Variants in GABRB2 observed in about 807,000 individuals in gnomAD.
The protein encoded by GABRB2 is gamma-aminobutyric acid type A receptor subunit beta2.
GABRB2 carries 16 observed loss-of-function variants against 54.7 expected under a neutral mutation model. The ratio of observed to expected loss-of-function variants is 0.29; its 90% CI spans 0.20 to 0.44. The LOEUF is 0.44. Ranked by LOEUF, GABRB2 falls within the 20% of genes least tolerant of loss-of-function variation. GABRB2 has a pLI of 1.00. For synonymous variants in GABRB2, 244 were observed against 233.8 expected, an observed-to-expected ratio of 1.04 and a Z score of -0.40; for missense variants, 355 against 644.0, an observed-to-expected ratio of 0.55 and a Z score of 4.86.
intron 4 of GABRB2, 54 bp from the exon 5 acceptor site, chr5:161,411,111 G>A: frequency 1.5e-6 from 2 of 1,355,698 alleles, no homozygotes; most frequent in Non-Finnish European, 2.1e-6. Flanking sequence ...GGCTGGAGCT[G>A]GAAATTTAAA....
intron 3 of GABRB2, among the ~76,000 whole-genome samples, chr5:161,463,551 T>TATATATA (rs1554102436): frequency 9.9e-5 from 3 of 30,262 alleles, no homozygotes; most frequent in Non-Finnish European, 1.3e-4. Context: ...CCAAATATTT[T>TATATATA]TATTTATATA....
At chr5:161,355,993 C>T (rs1754615579) in intron 5 of GABRB2, among the ~76,000 whole-genome samples, 1 of 152,100 alleles carries the variant, frequency 6.6e-6, no homozygotes, top group South Asian at 2.1e-4. Context: ...CTGCTCTCAA[C>T]CTCAAGTTTC....
intron 9 of GABRB2, among the ~76,000 whole-genome samples, chr5:161,314,180 C>T (rs1346150467): frequency 1.3e-5 from 2 of 152,210 alleles, no homozygotes; most frequent in African/African-American, 4.8e-5. Flanking sequence ...CTCACTATTA[C>T]AGTGTGCTTT....
chr5:161,512,343 A>G (rs1759799083), intron 3 of GABRB2, among the ~76,000 whole-genome samples: 1 of 152,088 alleles, frequency 6.6e-6, no homozygotes, highest in Admixed American at 6.6e-5. Flanking sequence ...AAACAATACC[A>G]TAAGGCTACA....
At chr5:161,303,443 T>A (rs971315040) in intron 9 of GABRB2, among the ~76,000 whole-genome samples, 1 of 152,198 alleles carries the variant, frequency 6.6e-6, no homozygotes, top group Non-Finnish European at 1.5e-5. Flanking sequence ...TCATTCTTTA[T>A]GGATCGGGGA....
Position 161,398,040 on chromosome 5 carries a change from C to T in GABRB2, c.541+12935G>A, listed in dbSNP as rs199772359. On this transcript the variant is annotated intron_variant, in intron 5 of 9. Coordinates refer to ENST00000393959, the MANE Select transcript of GABRB2 (RefSeq NM_001371727.1). ...ATAGATAGATAGATAGATAGATAGA[C>T]AGATAGATAGATAGATAGACAGAGA... Among the ~76,000 whole-genome samples the T allele has an allele frequency of 1.4e-3, 193 of 142,950 alleles. 1 individual carries two copies. The highest frequency in any genetic ancestry group is 4.9e-3 in the African/African-American group (180 of 36,436). The allele number at this position is 142,950 out of a possible 152,430, so 93.8% of individuals were successfully genotyped here.
At chr5:161,463,555 T>TTATATA (rs869302091) in intron 3 of GABRB2, among the ~76,000 whole-genome samples, 6 of 23,634 alleles carry the variant, frequency 2.5e-4, no homozygotes, top group African/African-American at 7.1e-4. Context: ...ATATTTTTAT[T>TTATATA]TATATATATA....
intron 5 of GABRB2, among the ~76,000 whole-genome samples, chr5:161,382,144 G>A (rs1004794587): frequency 2.0e-5 from 3 of 152,144 alleles, no homozygotes; most frequent in Non-Finnish European, 4.4e-5. Context: ...GGCAAAGAAG[G>A]AAAGAAGGGG....
rs252944 is a variant in GABRB2 at position 161,331,330 on chromosome 5, C to G, written c.833-203G>C. ...TTACAGTGATCACTGAACGTTTGAT[C>G]CCTTCTTTTAATTAAATTTTTGTAT... On this transcript the variant is annotated intron_variant, in intron 7 of 9. Transcript: ENST00000393959. Among the ~76,000 whole-genome samples the G allele has an allele frequency of 0.14, 20,974 of 152,036 alleles. 1,476 individuals are homozygous for G. The highest frequency in any genetic ancestry group is 0.17 in the East Asian group (863 of 5,154).
intron 5 of GABRB2, among the ~76,000 whole-genome samples, chr5:161,385,953 T>G (rs1477953191): frequency 4.2e-5 from 3 of 72,158 alleles, no homozygotes; most frequent in African/African-American, 2.1e-4. Context: ...GTCTGGTGTG[T>G]GTGTGTGTGT....
chr5:161,402,143 T>C (rs1017882820), intron 5 of GABRB2, among the ~76,000 whole-genome samples: 1 of 151,812 alleles, frequency 6.6e-6, no homozygotes, highest in African/African-American at 2.4e-5. Flanking sequence ...TGATACAGCC[T>C]CAATCATATA....
intron 4 of GABRB2, among the ~76,000 whole-genome samples, chr5:161,450,949 A>G (rs146700325): frequency 5.9e-5 from 9 of 152,204 alleles, no homozygotes; most frequent in African/African-American, 1.9e-4. Context: ...AAGGACTCAT[A>G]TTCTTAATGA....
chr5:161,384,152 A>G (rs1688877532), intron 5 of GABRB2, among the ~76,000 whole-genome samples: 1 of 152,206 alleles, frequency 6.6e-6, no homozygotes, highest in Non-Finnish European at 1.5e-5. Context: ...GATAAAGGTC[A>G]TCTTCTCCAA....
At chr5:161,537,820 C>T (rs892631337) in intron 3 of GABRB2, among the ~76,000 whole-genome samples, 1 of 152,034 alleles carries the variant, frequency 6.6e-6, no homozygotes, top group African/African-American at 2.4e-5. Flanking sequence ...CTTTTGATCC[C>T]CACCTACGGC....
chr5:161,376,052 A>G (rs1445015971), intron 5 of GABRB2, among the ~76,000 whole-genome samples: 4 of 152,144 alleles, frequency 2.6e-5, no homozygotes, highest in African/African-American at 9.6e-5. Flanking sequence ...TTATTCCATA[A>G]TACCCTCAGG....
chr5:161,356,864 C>G lies in GABRB2; in HGVS notation c.542-20095G>C, dbSNP rs1475399527. Among the ~76,000 whole-genome samples the G allele has an allele frequency of 4.6e-5, 7 of 152,126 alleles. No individual in the cohort carries two copies. In the South Asian group the frequency reaches 6.2e-4, roughly 14 times the overall value. On this transcript the variant is annotated intron_variant, in intron 5 of 9. Transcript: ENST00000393959. Reference sequence around the variant, plus strand: ...TGGATTTTCCCAAATCTTGGGCATCCTATTCTGGGATGTGTCTGAGATTGC... The same window carrying G: ...TGGATTTTCCCAAATCTTGGGCATCGTATTCTGGGATGTGTCTGAGATTGC...
chr5:161,539,772 A>C (rs1760755748), intron 3 of GABRB2, among the ~76,000 whole-genome samples: 1 of 152,198 alleles, frequency 6.6e-6, no homozygotes, highest in Non-Finnish European at 1.5e-5. Flanking sequence ...TGAATATCCC[A>C]ATAAAGCGAG....
At position 161,334,798 on chromosome 5, in the gene GABRB2, G is replaced by T; in HGVS notation, c.786C>A (p.Val262=). ...AAGCATCGTAATTAATCCAGAAGGA[G>T]ACCCAGGAGAGGATGGTAATCAGGA... ...PSILITILSW[V]SFWINYDASA... Residue 262 remains valine (V), a synonymous_variant, in exon 7 of 10, where the codon GTC becomes GTA. Transcript: ENST00000393959. 1.9e-6 allele frequency: 3 copies of T among 1,614,048 alleles called. No individual in the cohort carries two copies. Among genetic ancestry groups the T allele is most frequent in the Non-Finnish European group, 2.5e-6 (3 of 1,179,904 alleles).
chr5:161,337,245 T>C (rs1754021012), intron 5 of GABRB2, among the ~76,000 whole-genome samples: 1 of 152,190 alleles, frequency 6.6e-6, no homozygotes, highest in Non-Finnish European at 1.5e-5. Flanking sequence ...ATGCTGATTA[T>C]CAAATTCTCC....
Sources: allele counts gnomAD v4.1 joint callset (sites outside exome capture counted in the v4.1 genomes callset), GRCh38; gene constraint gnomAD v4.1.1; transcripts MANE v1.5; gene names NCBI Gene and HGNC (gene_info 2026-07-23, HGNC 2026-07-21).